Variants in ARAP1 observed in about 807,000 individuals in gnomAD.
The protein encoded by ARAP1 is arf-GAP with Rho-GAP domain, ANK repeat and PH domain-containing protein 1.
ARAP1 carries 76 observed loss-of-function variants against 172.2 expected under a neutral mutation model. The observed-to-expected ratio is 0.44, with a 90% CI of 0.37 to 0.53. ARAP1 has a LOEUF of 0.53. Ranked by LOEUF, ARAP1 falls within the 20% of genes least tolerant of loss-of-function variation. The pLI is 0.00. For missense variants in ARAP1, 1,686 were observed against 1,977.5 expected (o/e 0.85, Z 2.80); for synonymous variants, 804 against 803.3 (o/e 1.00, Z -0.01).
intron 3 of ARAP1, among the ~76,000 whole-genome samples, chr11:72,724,306 G>T (rs967596141): frequency 2.6e-4 from 39 of 152,232 alleles, no homozygotes; most frequent in African/African-American, 8.9e-4. Flanking sequence ...TGGGGAGCCT[G>T]GAGATGACCG....
Position 72,710,471 on chromosome 11 carries a change from C to G in ARAP1, c.1330G>C (p.Ala444Pro). The G allele has an allele frequency of 6.2e-7, 1 of 1,614,082 alleles. No individual in the cohort carries two copies. The highest frequency in any genetic ancestry group is 8.5e-7 in the Non-Finnish European group (1 of 1,179,992). ...AAGCCACGAAGCTCCAGGCTGCCAG[C>G]GCGGTCAGGCTGCTCTGAGCCTGGA... ...GVPGSEQPDR[A>P]GSLELRGFKN... The change falls in exon 10 of 35, where the codon GCT (alanine) becomes CCT (proline). Residue 444 changes from alanine to proline, a missense_variant. This residue lies in a region of ARAP1 where 688 missense variants were observed against 856.9 expected (regional missense o/e 0.80). Transcript: ENST00000393609. The surrounding 1 kb of genome is among the most constrained non-coding windows in gnomAD (Gnocchi z 4.3).
In ARAP1 at chr11:72,704,194, GCGGTACTTGCCCTCA is replaced by G; in HGVS notation, c.1935_1949del (p.Glu646_Arg650del). ...GGTTGCCAAAGAGCGGGTGGTAGCG[GCGGTACTTGCCCTCA>G]CGGTACTTGGCCTCCAGGTGGCACC... On this transcript the variant is annotated inframe_deletion, in exon 14 of 35. Transcript: ENST00000393609. The G allele has an allele frequency of 6.2e-7, 1 of 1,614,070 alleles. No individual in the cohort carries two copies. Among genetic ancestry groups the G allele is most frequent in the Non-Finnish European group, 8.5e-7 (1 of 1,180,000 alleles).
At chr11:72,713,842 A>C (rs75210689) in intron 4 of ARAP1, among the ~76,000 whole-genome samples, 10 of 140,846 alleles carry the variant, frequency 7.1e-5, no homozygotes, top group African/African-American at 2.4e-4. Context: ...GCGAGACTCC[A>C]TCTCAAAAAA....
intron 4 of ARAP1, 88 bp downstream of exon 4, chr11:72,714,064 G>C (rs950571566): frequency 7.6e-7 from 1 of 1,317,134 alleles, no homozygotes; most frequent in Non-Finnish European, 9.9e-7. Flanking sequence ...ACAGAAAGGA[G>C]TGTGATCCTT....
At chr11:72,733,923 A>G (rs1389611259) in intron 1 of ARAP1, among the ~76,000 whole-genome samples, 1 of 152,162 alleles carries the variant, frequency 6.6e-6, no homozygotes, top group Non-Finnish European at 1.5e-5. Context: ...TCCCAAGTTC[A>G]AGCACGATTC....
At position 72,697,579 on chromosome 11, in the gene ARAP1, C is replaced by A. The variant is rs1378934756; in HGVS notation, c.2789+19G>T. 1.2e-6 allele frequency: 2 copies of A among 1,614,006 alleles called. No homozygotes were observed. The highest frequency in any genetic ancestry group is 1.6e-4 in the Middle Eastern group (1 of 6,062). On this transcript the variant is annotated intron_variant, in intron 20 of 34. Coordinates refer to ENST00000393609, the MANE Select transcript of ARAP1 (RefSeq NM_001040118.3). ...CTGCTCCAGCCTTCTCAGAGCCCCTCAGGGAGGCCGTGGCTCACCTCCTTC... is the reference window on the plus strand; with the variant it reads ...CTGCTCCAGCCTTCTCAGAGCCCCTAAGGGAGGCCGTGGCTCACCTCCTTC...
In ARAP1 at chr11:72,695,894, T is replaced by C; in HGVS notation, c.3273-29A>G. 1 of 1,596,294 alleles carries C rather than the reference T, an allele frequency of 6.3e-7. No individual in the cohort carries two copies. Among genetic ancestry groups the C allele is most frequent in the Non-Finnish European group, 8.5e-7 (1 of 1,171,646 alleles). The stretch of plus-strand genomic sequence containing the variant: ...GAGAGGGGAGGAGGAGGGCTTTGAG[T>C]GAGGAGTCAGGCCAGAGCTTCCCAT... On this transcript the variant is annotated intron_variant, in intron 23 of 34. Coordinates refer to ENST00000393609, the MANE Select transcript of ARAP1 (RefSeq NM_001040118.3). This position sits in a 1 kb window ranked among gnomAD's most constrained non-coding sequence, Gnocchi z 4.4.
intron 1 of ARAP1, among the ~76,000 whole-genome samples, chr11:72,735,912 C>T (rs1365930732): frequency 6.6e-6 from 1 of 152,150 alleles, no homozygotes; most frequent in Non-Finnish European, 1.5e-5. Flanking sequence ...CCAGGAACCT[C>T]AGGCTGGAAG....
At chr11:72,745,609 T>C (rs1428571450) in intron 1 of ARAP1, among the ~76,000 whole-genome samples, 1 of 151,844 alleles carries the variant, frequency 6.6e-6, no homozygotes, top group Non-Finnish European at 1.5e-5. Flanking sequence ...ATGCTGACCA[T>C]ACCCGCATGG....
chr11:72,749,319 T>C (rs1858468218), intron 1 of ARAP1, among the ~76,000 whole-genome samples: 1 of 152,212 alleles, frequency 6.6e-6, no homozygotes, highest in African/African-American at 2.4e-5. Context: ...AGCCTCTCTG[T>C]GCCTCAGTTT....
intron 14 of ARAP1, 103 bp from the exon 15 acceptor site, chr11:72,703,182 C>G: frequency 8.5e-7 from 1 of 1,177,694 alleles, no homozygotes; most frequent in Admixed American, 2.9e-5. Flanking sequence ...GTCACCCAGG[C>G]CTGGAGCAGT....
At chr11:72,720,954 C>T (rs1341921845) in intron 3 of ARAP1, among the ~76,000 whole-genome samples, 1 of 152,184 alleles carries the variant, frequency 6.6e-6, no homozygotes, top group Non-Finnish European at 1.5e-5. Flanking sequence ...GGCCCCTTTC[C>T]CATGGCAGCT....
chr11:72,693,871 T>C lies in ARAP1; in HGVS notation c.3695-66A>G. On this transcript the variant is annotated intron_variant, in intron 27 of 34. Coordinates refer to ENST00000393609, the MANE Select transcript of ARAP1 (RefSeq NM_001040118.3). This position sits in a 1 kb window ranked among gnomAD's most constrained non-coding sequence, Gnocchi z 4.6. The stretch of plus-strand genomic sequence containing the variant: ...CCCGATACCACCAAAGGCTGGCAGA[T>C]GGGCACATATCACCTACACATCCCC... The C allele has an allele frequency of 7.6e-7, 1 of 1,321,004 alleles. No individual in the cohort carries two copies. The highest frequency in any genetic ancestry group is 1.3e-5 in the South Asian group (1 of 74,894). The allele number at this position is 1,321,004 out of a possible 1,614,324, so 81.8% of individuals were successfully genotyped here. A position where few individuals can be genotyped will look rare whatever the true frequency, so the allele number is the denominator to read the frequency against.
chr11:72,688,507 T>C lies in ARAP1; in HGVS notation c.4018A>G (p.Lys1340Glu). The C allele has an allele frequency of 6.2e-7, 1 of 1,612,636 alleles. No homozygotes were observed. Among genetic ancestry groups the C allele is most frequent in the Non-Finnish European group, 8.5e-7 (1 of 1,179,436 alleles). Reference sequence around the variant, plus strand: ...ACTCCCAGGTAGACTTTGAGACTCTTAATAGGCCACTCCTTCTCAGGCCGG... The same window carrying C: ...ACTCCCAGGTAGACTTTGAGACTCTCAATAGGCCACTCCTTCTCAGGCCGG... ...SHRPEKEWPI[K>E]SLKVYLGVKK... is the part of the protein sequence containing the mutation. Residue 1340 changes from lysine (K) to glutamate (E), a missense_variant, in exon 31 of 35, where the codon AAG (lysine) becomes GAG (glutamate). Transcript: ENST00000393609.
At position 72,712,210 on chromosome 11, in the gene ARAP1, C is replaced by G; in HGVS notation, c.1008G>C (p.Lys336Asn). 6.2e-7 allele frequency: 1 copy of G among 1,605,272 alleles called. No homozygotes were observed. Among genetic ancestry groups the G allele is most frequent in the Non-Finnish European group, 8.5e-7 (1 of 1,177,372 alleles). Residue 336 changes from lysine to asparagine, a missense_variant, in exon 7 of 35, where the codon AAG becomes AAC. By Grantham distance (94) the Lys-to-Asn change is moderately conservative. Around this residue, in one of 5 missense-constraint regions of ARAP1, gnomAD observed 688 missense variants for 856.9 expected, o/e 0.80. Coordinates refer to ENST00000393609, the MANE Select transcript of ARAP1 (RefSeq NM_001040118.3). ...GCCTCACTCACCCCTGCGGTGGGTT[C>G]TTGTCCAGCCAGCCAGCCTTGATGA... ...TPVIKAGWLD[K>N]NPPQGSYIYQ... is the part of the protein sequence containing the mutation.
At chr11:72,739,306 G>T (rs1858132686) in intron 1 of ARAP1, among the ~76,000 whole-genome samples, 1 of 152,130 alleles carries the variant, frequency 6.6e-6, no homozygotes, top group Non-Finnish European at 1.5e-5. Flanking sequence ...ACTCTCCCTG[G>T]CACCAGGAGA....
intron 3 of ARAP1, among the ~76,000 whole-genome samples, chr11:72,715,427 A>C (rs1323118144): frequency 6.6e-6 from 1 of 152,156 alleles, no homozygotes; most frequent in Admixed American, 6.5e-5. Flanking sequence ...GGCTACCGTG[A>C]AAGCAAGGAA....
intron 11 of ARAP1, chr11:72,708,327 G>A (rs1282288480): frequency 6.6e-6 from 1 of 152,244 alleles, no homozygotes; most frequent in African/African-American, 2.4e-5. Context: ...ACCTTCCTGT[G>A]CTTGCACCCA....
chr11:72,715,948 G>A (rs960905008), intron 3 of ARAP1, among the ~76,000 whole-genome samples: 2 of 151,860 alleles, frequency 1.3e-5, no homozygotes, highest in African/African-American at 2.4e-5. Flanking sequence ...CAAGGCGCGC[G>A]GATCACGAGG....
Sources: allele counts gnomAD v4.1 joint callset (sites outside exome capture counted in the v4.1 genomes callset), GRCh38; gene constraint gnomAD v4.1.1; regional missense constraint gnomAD v4.1.1; non-coding constraint Gnocchi (gnomAD v3.1); transcripts MANE v1.5; gene names NCBI Gene and HGNC (gene_info 2026-07-23, HGNC 2026-07-21).